The following RNF125 variants were observed in gnomAD, a reference collection of about 807,000 sequenced individuals.
RNF125 encodes E3 ubiquitin-protein ligase RNF125.
In RNF125, 21 loss-of-function variants were observed where a neutral mutation model predicts 26.0. The observed-to-expected ratio is 0.81, with a 90% CI of 0.57 to 1.16. The LOEUF (loss-of-function observed/expected upper bound fraction) is 1.16. RNF125 is among the 50% of genes most tolerant of loss of function. RNF125 has a pLI of 0.00. For synonymous variants in RNF125, 95 were observed against 109.2 expected, an observed-to-expected ratio of 0.87 and a Z score of 0.81; for missense variants, 270 against 299.4, an observed-to-expected ratio of 0.90 and a Z score of 0.72.
chr18:32,035,951 G>A (rs1169963422), intron 1 of RNF125, among the ~76,000 whole-genome samples: 1 of 152,090 alleles, frequency 6.6e-6, no homozygotes, highest in African/African-American at 2.4e-5. Flanking sequence ...TCAGGAGTTC[G>A]AGACCAGCCT....
intron 4 of RNF125, among the ~76,000 whole-genome samples, chr18:32,065,074 C>G (rs1598827513): frequency 1.3e-5 from 2 of 152,018 alleles, no homozygotes; most frequent in Admixed American, 1.3e-4. Flanking sequence ...TGCATATGAG[C>G]AAGAAATGCA....
the RNF125 span, among the ~76,000 whole-genome samples, chr18:32,082,145 TA>T: frequency 6.6e-6 from 1 of 152,050 alleles, no homozygotes; most frequent in African/African-American, 2.4e-5. Flanking sequence ...GCAAATCAAA[TA>T]GGATGTCACT....
intron 4 of RNF125, among the ~76,000 whole-genome samples, chr18:32,053,429 A>G (rs1346326399): frequency 6.8e-6 from 1 of 147,086 alleles, no homozygotes; most frequent in Non-Finnish European, 1.5e-5. Flanking sequence ...TGCACTGAGT[A>G]TGATTATTTT....
intron 1 of RNF125, among the ~76,000 whole-genome samples, chr18:32,035,795 A>G (rs887173676): frequency 6.6e-6 from 1 of 152,208 alleles, no homozygotes; most frequent in Non-Finnish European, 1.5e-5. Flanking sequence ...AATGTTTGAA[A>G]AGTATAATTT....
At chr18:32,067,424 G>T (rs1304659689) in intron 5 of RNF125, among the ~76,000 whole-genome samples, 1 of 152,222 alleles carries the variant, frequency 6.6e-6, no homozygotes, top group Non-Finnish European at 1.5e-5. Flanking sequence ...GCCACTCACA[G>T]CCATATTCTT....
intron 1 of RNF125, among the ~76,000 whole-genome samples, chr18:32,031,773 A>G (rs2039099390): frequency 6.6e-6 from 1 of 152,212 alleles, no homozygotes; most frequent in Admixed American, 6.5e-5. Flanking sequence ...TGTATAGCAG[A>G]GAACTTAGAT....
At chr18:32,062,079 C>T (rs972292318) in intron 4 of RNF125, among the ~76,000 whole-genome samples, 1 of 152,166 alleles carries the variant, frequency 6.6e-6, no homozygotes, top group Admixed American at 6.5e-5. Context: ...TTACCTGGCA[C>T]ACTGAAGACA....
At chr18:32,079,943 C>G in the RNF125 span, among the ~76,000 whole-genome samples, 1 of 152,216 alleles carries the variant, frequency 6.6e-6, no homozygotes, top group African/African-American at 2.4e-5. Flanking sequence ...CAGAGTCAAC[C>G]TAGGTAACCA....
chr18:32,056,577 C>T (rs751517189), intron 4 of RNF125, among the ~76,000 whole-genome samples: 4 of 147,008 alleles, frequency 2.7e-5, no homozygotes, highest in African/African-American at 2.5e-5. Context: ...GCCAAGATCA[C>T]GCCGTTGCAC....
At chr18:32,056,404 G>A (rs1005386077) in intron 4 of RNF125, among the ~76,000 whole-genome samples, 1 of 152,050 alleles carries the variant, frequency 6.6e-6, no homozygotes, top group Admixed American at 6.6e-5. Flanking sequence ...CTGAGGTCAG[G>A]AGTTCGAGAC....
At position 32,069,193 on chromosome 18, in the gene RNF125, T is replaced by A. The variant is rs1598829675; in HGVS notation, c.*809T>A. 1 of 112,338 alleles carries A rather than the reference T, an allele frequency of 8.9e-6. No homozygotes were observed. The highest frequency in any genetic ancestry group is 3.5e-5 in the African/African-American group (1 of 28,402). The allele number at this position is 112,338 out of a possible 1,614,324, so 7.0% of individuals were successfully genotyped here. On this transcript the variant is annotated 3_prime_UTR_variant, in exon 6 of 6. Transcript: ENST00000217740. ...TCCAGCCTGGGTAACAGAGCTAGACTCCATCTCAAAAAAAAAAAAAAAAAA... is the reference window on the plus strand; with the variant it reads ...TCCAGCCTGGGTAACAGAGCTAGACACCATCTCAAAAAAAAAAAAAAAAAA...
At chr18:32,046,322 C>T (rs1052113213) in intron 4 of RNF125, among the ~76,000 whole-genome samples, 18 of 151,070 alleles carry the variant, frequency 1.2e-4, no homozygotes, top group African/African-American at 1.9e-4. Flanking sequence ...TAAGGCTGGG[C>T]GTGGTGGCTC....
chr18:32,026,940 G>A (rs1341596869), intron 1 of RNF125, among the ~76,000 whole-genome samples: 1 of 152,176 alleles, frequency 6.6e-6, no homozygotes, highest in Non-Finnish European at 1.5e-5. Context: ...CCGCAAATGG[G>A]GTACAACCCA....
chr18:32,035,045 G>C (rs937232039), intron 1 of RNF125, among the ~76,000 whole-genome samples: 2 of 152,156 alleles, frequency 1.3e-5, no homozygotes, highest in Non-Finnish European at 2.9e-5. Context: ...ACTGTGTGCA[G>C]TGTTCAACTT....
At position 32,071,225 on chromosome 18, in the gene RNF125, C is replaced by T. The variant is rs1192487971; in HGVS notation, c.*2841C>T. On this transcript the variant is annotated 3_prime_UTR_variant, in exon 6 of 6. Transcript: ENST00000217740. The stretch of plus-strand genomic sequence containing the variant: ...TCTTGGCTCACTGCAACCTCCGCCT[C>T]CCGGGTTCAAGTGATTCTCCTGCCT... The T allele has an allele frequency of 1.3e-5, 2 of 152,202 alleles. No individual in the cohort carries two copies. The highest frequency in any genetic ancestry group is 1.3e-4 in the Admixed American group (2 of 15,242). The allele number at this position is 152,202 out of a possible 1,614,324, so 9.4% of individuals were successfully genotyped here.
intron 3 of RNF125, among the ~76,000 whole-genome samples, chr18:32,044,394 A>G (rs2039248648): frequency 6.6e-6 from 1 of 152,234 alleles, no homozygotes; most frequent in Non-Finnish European, 1.5e-5. Context: ...TTACCTTTCA[A>G]TATATTTTAT....
At chr18:32,065,259 CAG>C (rs1179917851) in intron 4 of RNF125, among the ~76,000 whole-genome samples, 2 of 152,014 alleles carry the variant, frequency 1.3e-5, no homozygotes, top group African/African-American at 4.8e-5. Flanking sequence ...TTTTTTGAGA[CAG>C]AGTTTTGCTC....
chr18:32,063,197 G>A (rs2039450577), intron 4 of RNF125, among the ~76,000 whole-genome samples: 2 of 128,008 alleles, frequency 1.6e-5, no homozygotes, highest in Admixed American at 8.7e-5. Context: ...TCCAGCCTGG[G>A]CAACAAGAGC....
intron 1 of RNF125, among the ~76,000 whole-genome samples, chr18:32,025,762 C>T (rs1201973014): frequency 6.6e-6 from 1 of 150,976 alleles, no homozygotes; most frequent in Non-Finnish European, 1.5e-5. Flanking sequence ...GTGTGTTCCT[C>T]AAGGGGTCTC....
Sources: allele counts gnomAD v4.1 joint callset (sites outside exome capture counted in the v4.1 genomes callset), GRCh38; gene constraint gnomAD v4.1.1; transcripts MANE v1.5; gene names NCBI Gene and HGNC (gene_info 2026-07-23, HGNC 2026-07-21).